THSD7A: variants seen among roughly 807,000 people sequenced by gnomAD.
THSD7A encodes thrombospondin type-1 domain-containing protein 7A.
THSD7A carries 96 observed loss-of-function variants against 231.3 expected under a neutral mutation model. The ratio of observed to expected loss-of-function variants is 0.41; its 90% CI spans 0.35 to 0.49. The LOEUF is 0.49. THSD7A is among the 20% of genes least tolerant of loss of function. THSD7A has a pLI of 0.05. For missense variants in THSD7A, 2,290 were observed against 2,070.2 expected, an observed-to-expected ratio of 1.11 and a Z score of -2.06; for synonymous variants, 940 against 743.3, an observed-to-expected ratio of 1.26 and a Z score of -4.30.
chr7:11,452,273 G>A (rs1206087314), intron 11 of THSD7A, among the ~76,000 whole-genome samples: 1 of 151,996 alleles, frequency 6.6e-6, no homozygotes, highest in South Asian at 2.1e-4. Flanking sequence ...GTGTGAGCTA[G>A]TTACCAAGAG....
intron 4 of THSD7A, among the ~76,000 whole-genome samples, chr7:11,587,771 A>G (rs535157599): frequency 4.9e-4 from 75 of 152,214 alleles, no homozygotes; most frequent in Non-Finnish European, 8.7e-4. Context: ...CTTTATGCTA[A>G]GGTAGTCAGT....
At chr7:11,712,140 C>T (rs776893019) in intron 1 of THSD7A, among the ~76,000 whole-genome samples, 3 of 150,938 alleles carry the variant, frequency 2.0e-5, no homozygotes, top group Admixed American at 1.3e-4. Flanking sequence ...CCAAGTTATC[C>T]TCCAGCTGAT....
chr7:11,498,103 A>G (rs1451564957), intron 6 of THSD7A, among the ~76,000 whole-genome samples: 1 of 152,182 alleles, frequency 6.6e-6, no homozygotes, highest in East Asian at 1.9e-4. Context: ...CAGCTCCATC[A>G]AAGTGGGAGC....
chr7:11,673,577 C>A (rs931446620), intron 1 of THSD7A, among the ~76,000 whole-genome samples: 4 of 152,088 alleles, frequency 2.6e-5, no homozygotes, highest in Admixed American at 2.0e-4. Context: ...TACTTCATGG[C>A]CCCTCCTAAG....
At chr7:11,663,092 T>A (rs1782992421) in intron 1 of THSD7A, among the ~76,000 whole-genome samples, 1 of 151,154 alleles carries the variant, frequency 6.6e-6, no homozygotes, top group Admixed American at 6.6e-5. Flanking sequence ...GGAAATCAAA[T>A]ATACAACAAA....
chr7:11,716,444 C>T (rs1453032276), intron 1 of THSD7A, among the ~76,000 whole-genome samples: 1 of 151,630 alleles, frequency 6.6e-6, no homozygotes, highest in Non-Finnish European at 1.5e-5. Context: ...CAACCCTGCT[C>T]TGTGGTCCTG....
At chr7:11,829,714 A>G (rs1023871238) in intron 1 of THSD7A, among the ~76,000 whole-genome samples, 4 of 151,934 alleles carry the variant, frequency 2.6e-5, no homozygotes, top group African/African-American at 4.8e-5. Flanking sequence ...CATTTATGGT[A>G]TATCTTTTTT....
At chr7:11,381,017 G>GA (rs375232218) in intron 24 of THSD7A, among the ~76,000 whole-genome samples, 1 of 151,666 alleles carries the variant, frequency 6.6e-6, no homozygotes, top group Admixed American at 6.6e-5. Context: ...ATCCATTATT[G>GA]AAAAAAAACT....
intron 2 of THSD7A, among the ~76,000 whole-genome samples, chr7:11,622,872 T>C (rs1299174281): frequency 3.9e-5 from 6 of 152,292 alleles, no homozygotes; most frequent in Non-Finnish European, 8.8e-5. Flanking sequence ...TTTGGCTAAA[T>C]AAAATCTCCA....
In THSD7A at chr7:11,460,844, A is replaced by G. The variant is rs556837296; in HGVS notation, c.2502-79T>C. ...CACAGAGACACAGCAGCATGGAAAC[A>G]TGACTTTGACCACTGCAAACACAGT... On this transcript the variant is annotated intron_variant, in intron 10 of 27. Coordinates refer to ENST00000423059, the MANE Select transcript of THSD7A (RefSeq NM_015204.3). 469 of 1,179,648 alleles carry G rather than the reference A, an allele frequency of 4.0e-4. 2 individuals are homozygous for G. The highest frequency in any genetic ancestry group is 5.3e-4 in the Non-Finnish European group (430 of 811,134). 73.1% of individuals were successfully genotyped at this position (1,179,648 alleles called of 1,614,324 possible).
At chr7:11,409,342 A>G (rs576635239) in intron 19 of THSD7A, among the ~76,000 whole-genome samples, 2 of 152,362 alleles carry the variant, frequency 1.3e-5, no homozygotes, top group East Asian at 3.9e-4. Context: ...GCAGGGTTGC[A>G]CAGTCGAATT....
At chr7:11,464,366 G>A (rs970654989) in intron 9 of THSD7A, among the ~76,000 whole-genome samples, 3 of 152,030 alleles carry the variant, frequency 2.0e-5, no homozygotes, top group African/African-American at 2.4e-5. Flanking sequence ...AAGACCAGGG[G>A]ATTTGGGGGC....
Position 11,375,643 on chromosome 7 carries a change from G to A in THSD7A, c.*151C>T, listed in dbSNP as rs1782238412. On this transcript the variant is annotated 3_prime_UTR_variant, in exon 28 of 28. Transcript: ENST00000423059. ...TGGTACTGTCTTAAATATCTCCAGT[G>A]GCAGTATGATTTTCACTCTTGTCTT... 1 of 618,330 alleles carries A rather than the reference G, an allele frequency of 1.6e-6. No homozygotes were observed. The highest frequency in any genetic ancestry group is 1.9e-5 in the African/African-American group (1 of 53,662). The allele number at this position is 618,330 out of a possible 1,614,324, so 38.3% of individuals were successfully genotyped here. A position where few individuals can be genotyped will look rare whatever the true frequency, so the allele number is the denominator to read the frequency against.
chr7:11,693,800 C>T (rs543718941), intron 1 of THSD7A, among the ~76,000 whole-genome samples: 64 of 151,486 alleles, frequency 4.2e-4, no homozygotes, highest in Non-Finnish European at 8.7e-4. Flanking sequence ...CATATGGTAG[C>T]TGTTCCGATG....
chr7:11,610,206 G>A (rs971553538), intron 2 of THSD7A, among the ~76,000 whole-genome samples: 5 of 151,986 alleles, frequency 3.3e-5, no homozygotes, highest in Non-Finnish European at 7.4e-5. Flanking sequence ...CATAGAAAAC[G>A]ACACTTGATT....
intron 6 of THSD7A, 54 bp from the exon 7 acceptor site, chr7:11,482,036 G>T: frequency 6.6e-7 from 1 of 1,516,830 alleles, no homozygotes; most frequent in Non-Finnish European, 8.9e-7. Context: ...TGTAAAATGA[G>T]CAATTTAAAC....
At chr7:11,429,259 G>A in intron 13 of THSD7A, 134 bp from the exon 14 acceptor site, 1 of 770,220 alleles carries the variant, frequency 1.3e-6, no homozygotes, top group African/African-American at 1.8e-5. Flanking sequence ...TGTCTCTGTT[G>A]TAAGGGACTT....
chr7:11,821,899 G>A (rs1784885877), intron 1 of THSD7A, among the ~76,000 whole-genome samples: 1 of 152,170 alleles, frequency 6.6e-6, no homozygotes, highest in Non-Finnish European at 1.5e-5. Flanking sequence ...ATACTAAACT[G>A]TAAAATAACA....
intron 1 of THSD7A, among the ~76,000 whole-genome samples, chr7:11,693,722 C>T (rs1403100498): frequency 1.3e-5 from 2 of 151,460 alleles, no homozygotes; most frequent in Non-Finnish European, 3.0e-5. Flanking sequence ...ATCATAGTGT[C>T]ACTGCTGGAA....
Sources: gnomAD v4.1 joint callset for allele counts (sites outside exome capture counted in the v4.1 genomes callset) on GRCh38, gnomAD v4.1.1 for gene constraint, MANE v1.5 for transcripts, NCBI Gene and HGNC (gene_info 2026-07-23, HGNC 2026-07-21) for gene names.